CBL: variants seen among roughly 807,000 people sequenced by gnomAD.
The protein encoded by CBL is E3 ubiquitin-protein ligase CBL.
CBL carries 45 observed loss-of-function variants against 96.9 expected under a neutral mutation model. That is an observed-to-expected ratio of 0.46 (90% CI 0.37 to 0.60). The LOEUF is 0.60. Among genes scored for constraint, CBL ranks in the 20% least tolerant of loss-of-function variants. The probability of loss-of-function intolerance (pLI) is 0.00; values close to 1 mark genes in which losing one functional copy is unlikely to be tolerated. For missense variants in CBL, 1,024 were observed against 1,143.5 expected, an observed-to-expected ratio of 0.90 and a Z score of 1.51; for synonymous variants, 420 against 426.8, an observed-to-expected ratio of 0.98 and a Z score of 0.20.
chr11:119,299,551 A>G lies in CBL; in HGVS notation c.2491A>G (p.Ile831Val). Residue 831 changes from isoleucine to valine, a missense_variant, in exon 16 of 16, where the codon ATC becomes GTC. This residue lies in a region of CBL where 695 missense variants were observed against 661.6 expected (regional missense o/e 1.05). Coordinates refer to ENST00000264033, the MANE Select transcript of CBL (RefSeq NM_005188.4). ...GCCTCCAAAACCATTCCCGCGGAGAATCAACTCTGAACGGAAAGCTGGCAG... is the reference window on the plus strand; with the variant it reads ...GCCTCCAAAACCATTCCCGCGGAGAGTCAACTCTGAACGGAAAGCTGGCAG... Reference protein sequence around the residue: ...ERPPKPFPRRINSERKAGSCQ... With the variant: ...ERPPKPFPRRVNSERKAGSCQ... 6.2e-7 allele frequency: 1 copy of G among 1,614,188 alleles called. No individual in the cohort carries two copies. The highest frequency in any genetic ancestry group is 8.5e-7 in the Non-Finnish European group (1 of 1,180,018).
intron 2 of CBL, among the ~76,000 whole-genome samples, chr11:119,247,446 A>G (rs534469417): frequency 8.5e-5 from 13 of 152,376 alleles, no homozygotes; most frequent in Non-Finnish European, 1.6e-4. Flanking sequence ...AGAAAATTCT[A>G]AAGAATCCAT....
rs181009557 is a variant in CBL at position 119,258,024 on chromosome 11, C to A, written c.444-13711C>A. On this transcript the variant is annotated intron_variant, in intron 2 of 15. Transcript: ENST00000264033. ...GGCGGGTCACTTGAGGTCAGGAGTT[C>A]GAGACCACCCTGGCCAAAATGGTGA... Among the ~76,000 whole-genome samples, 51 of 152,024 alleles carry A rather than the reference C, an allele frequency of 3.4e-4. 1 individual carries two copies. Among genetic ancestry groups the A allele is most frequent in the Admixed American group, 2.6e-3 (40 of 15,248 alleles).
intron 4 of CBL, 104 bp from the exon 5 acceptor site, chr11:119,274,728 T>C (rs1949875113): frequency 1.8e-6 from 2 of 1,088,052 alleles, no homozygotes; most frequent in Admixed American, 3.8e-5. Flanking sequence ...TAAAAATTTC[T>C]GACAATGAAC....
intron 2 of CBL, among the ~76,000 whole-genome samples, chr11:119,258,816 T>G (rs2135286071): frequency 6.6e-6 from 1 of 152,290 alleles, no homozygotes; most frequent in Non-Finnish European, 1.5e-5. Flanking sequence ...CTTTAAAAAA[T>G]GATGTGGGTA....
intron 15 of CBL, among the ~76,000 whole-genome samples, 193 bp downstream of exon 15, chr11:119,298,733 A>G (rs1477109829): frequency 6.6e-6 from 1 of 152,234 alleles, no homozygotes; most frequent in Non-Finnish European, 1.5e-5. Flanking sequence ...CAGACTTAGA[A>G]AAGAGGTCAT....
intron 1 of CBL, among the ~76,000 whole-genome samples, chr11:119,207,884 C>T (rs565896549): frequency 8.5e-5 from 13 of 152,254 alleles, no homozygotes; most frequent in South Asian, 2.1e-4. Flanking sequence ...CTAGAAACCG[C>T]TAATAAAATG....
chr11:119,299,427 T>C (rs571048250), intron 15 of CBL, 68 bp from the exon 16 acceptor site: 40 of 1,425,478 alleles, frequency 2.8e-5, no homozygotes, highest in Middle Eastern at 3.5e-4. Flanking sequence ...TATTAGCACA[T>C]TTTTATTGCT....
At chr11:119,298,298 T>C (rs907349323) in intron 14 of CBL, 60 bp from the exon 15 acceptor site, 2 of 1,435,484 alleles carry the variant, frequency 1.4e-6, no homozygotes, top group African/African-American at 2.8e-5. Context: ...TGCCCCGTAT[T>C]GAAATGTATT....
intron 2 of CBL, among the ~76,000 whole-genome samples, chr11:119,244,651 G>A (rs185993089): frequency 6.7e-5 from 10 of 149,224 alleles, no homozygotes; most frequent in Non-Finnish European, 1.5e-4. Flanking sequence ...GCGTGATCTC[G>A]GCTCACTGCA....
intron 2 of CBL, among the ~76,000 whole-genome samples, chr11:119,248,673 A>C (rs1446796140): frequency 6.6e-6 from 1 of 152,246 alleles, no homozygotes; most frequent in African/African-American, 2.4e-5. Context: ...TTTGTTCATC[A>C]AAGGACATAT....
At chr11:119,286,826 A>G (rs1008967487) in intron 11 of CBL, among the ~76,000 whole-genome samples, 2 of 152,228 alleles carry the variant, frequency 1.3e-5, no homozygotes, top group African/African-American at 2.4e-5. Context: ...TCTTGCCCTC[A>G]CAAAGTTTAT....
intron 2 of CBL, among the ~76,000 whole-genome samples, chr11:119,256,702 A>G (rs1216904158): frequency 7.0e-6 from 1 of 142,274 alleles, no homozygotes; most frequent in Non-Finnish European, 1.5e-5. Flanking sequence ...TTTTTTTTTT[A>G]ATCCCTCCCT....
chr11:119,287,057 A>C (rs900137686), intron 11 of CBL, among the ~76,000 whole-genome samples: 2 of 152,198 alleles, frequency 1.3e-5, no homozygotes, highest in Non-Finnish European at 2.9e-5. Context: ...TCCAGGATGA[A>C]GGAAAAAGCA....
At chr11:119,243,302 T>C (rs184429050) in intron 2 of CBL, among the ~76,000 whole-genome samples, 22 of 152,074 alleles carry the variant, frequency 1.4e-4, no homozygotes, top group Non-Finnish European at 7.4e-5. Context: ...ACTTAGAATT[T>C]TGCTTAATAA....
In CBL at chr11:119,232,488, A is replaced by G; in HGVS notation, c.236A>G (p.Asn79Ser). 1 of 1,614,022 alleles carries G rather than the reference A, an allele frequency of 6.2e-7. No individual in the cohort carries two copies. Residue 79 changes from asparagine to serine, a missense_variant, in exon 2 of 16, where the codon AAT becomes AGT. Transcript: ENST00000264033. ...LCQNPKLALK[N>S]SPPYILDLLP... ...CAGAACCCAAAGCTGGCGCTAAAGAATAGCCCACCTTATATCTTAGACCTG... is the reference window on the plus strand; with the variant it reads ...CAGAACCCAAAGCTGGCGCTAAAGAGTAGCCCACCTTATATCTTAGACCTG...
In CBL at chr11:119,308,035, GTTAT is replaced by G. The variant is rs1479113500; in HGVS notation, c.*8260_*8263del. ...ATGTTTAGAAGTCTGTTTTACTAAT[GTTAT>G]TTATTAATTTTTTTTCATTTCCATA... is the stretch of plus-strand genomic sequence containing the variant. On this transcript the variant is annotated 3_prime_UTR_variant, in exon 16 of 16. Coordinates refer to ENST00000264033, the MANE Select transcript of CBL (RefSeq NM_005188.4). 5.4e-6 allele frequency: 1 copy of G among 183,780 alleles called. No homozygotes were observed. The allele number at this position is 183,780 out of a possible 1,614,324, so 11.4% of individuals were successfully genotyped here.
chr11:119,269,246 CTTT>C (rs11317875), intron 2 of CBL, among the ~76,000 whole-genome samples: 22 of 118,310 alleles, frequency 1.9e-4, no homozygotes, highest in African/African-American at 4.1e-4. Context: ...TGGATAAGTG[CTTT>C]TTTTTTTTTT....
rs1163084292 is a variant in CBL at position 119,305,395 on chromosome 11, T to C, written c.*5614T>C. The C allele has an allele frequency of 4.3e-6, 1 of 230,694 alleles. No individual in the cohort carries two copies. The highest frequency in any genetic ancestry group is 8.6e-6 in the Non-Finnish European group (1 of 116,476). 14.3% of individuals were successfully genotyped at this position (230,694 alleles called of 1,614,324 possible). On this transcript the variant is annotated 3_prime_UTR_variant, in exon 16 of 16. Coordinates refer to ENST00000264033, the MANE Select transcript of CBL (RefSeq NM_005188.4). ...TGTTTATTTAGAGAGCAGAATCTAA[T>C]AACGGGTTCCACTGTAGCCACTATC...
chr11:119,228,991 T>G (rs1225391264), intron 1 of CBL, among the ~76,000 whole-genome samples: 1 of 152,038 alleles, frequency 6.6e-6, no homozygotes, highest in Non-Finnish European at 1.5e-5. Flanking sequence ...TTTTTGTATT[T>G]TTTAGTAGAG....
Sources: allele counts gnomAD v4.1 joint callset (sites outside exome capture counted in the v4.1 genomes callset), GRCh38; gene constraint gnomAD v4.1.1; regional missense constraint gnomAD v4.1.1; transcripts MANE v1.5; gene names NCBI Gene and HGNC (gene_info 2026-07-23, HGNC 2026-07-21).